CACNA1A: variants seen among roughly 807,000 people sequenced by gnomAD.
CACNA1A encodes the protein calcium voltage-gated channel subunit alpha1 A.
Under a neutral mutation model 262.4 loss-of-function variants are expected in CACNA1A, and 57 were observed. That is an observed-to-expected ratio of 0.22 (90% CI 0.18 to 0.27). The LOEUF is 0.27. CACNA1A is among the 10% of genes least tolerant of loss of function. The pLI, the probability that CACNA1A is intolerant of heterozygous loss-of-function variation, is 1.00. For synonymous variants in CACNA1A, 1,431 were observed against 1,419.3 expected (o/e 1.01, Z -0.18); for missense variants, 2,526 against 3,562.8 (o/e 0.71, Z 7.41).
Position 13,360,834 on chromosome 19 carries a change from C to T in CACNA1A, c.785-1035G>A, listed in dbSNP as rs117619831. On this transcript the variant is annotated intron_variant, in intron 5 of 46. Coordinates refer to ENST00000360228, the MANE Select transcript of CACNA1A (RefSeq NM_001127222.2). ...TATCATTTCATCCATAAATGAGAGG[C>T]ATGTCTGTTAATCTGCAAACACTTT... Among the ~76,000 whole-genome samples the T allele has an allele frequency of 3.7e-3, 560 of 152,332 alleles. 12 individuals carry two copies. In the South Asian group the frequency reaches 0.061, roughly 17 times the overall value.
chr19:13,306,929 T>C (rs1286970365), intron 15 of CACNA1A, among the ~76,000 whole-genome samples: 2 of 152,104 alleles, frequency 1.3e-5, no homozygotes, highest in East Asian at 3.9e-4. Context: ...TCCTGCATGG[T>C]GTGCTCCTTC....
At chr19:13,216,975 A>G (rs2055036797) in intron 38 of CACNA1A, among the ~76,000 whole-genome samples, 2 of 152,152 alleles carry the variant, frequency 1.3e-5, no homozygotes, top group South Asian at 4.1e-4. Flanking sequence ...TCTAGTAAAA[A>G]TGCAAAAATT....
chr19:13,388,533 G>A (rs1279290063), intron 3 of CACNA1A, among the ~76,000 whole-genome samples: 1 of 152,136 alleles, frequency 6.6e-6, no homozygotes, highest in Admixed American at 6.5e-5. Context: ...TGGGGTTACA[G>A]GCGTGAGCCA....
At chr19:13,339,315 C>T (rs1253820692) in intron 6 of CACNA1A, among the ~76,000 whole-genome samples, 1 of 152,022 alleles carries the variant, frequency 6.6e-6, no homozygotes, top group Non-Finnish European at 1.5e-5. Context: ...TAGGAGGTCC[C>T]TAGAGTCGTC....
At chr19:13,403,919 TG>T (rs2059956064) in intron 3 of CACNA1A, among the ~76,000 whole-genome samples, 1 of 152,066 alleles carries the variant, frequency 6.6e-6, no homozygotes, top group African/African-American at 2.4e-5. Context: ...GTCATGCCAC[TG>T]CTCTCCAGCC....
At chr19:13,388,845 T>C (rs2059664327) in intron 3 of CACNA1A, among the ~76,000 whole-genome samples, 1 of 152,206 alleles carries the variant, frequency 6.6e-6, no homozygotes, top group Non-Finnish European at 1.5e-5. Context: ...ATAAGCAGGA[T>C]GAAGTTAGAC....
chr19:13,330,479 A>G, intron 9 of CACNA1A, 146 bp from the exon 10 acceptor site: 5 of 694,206 alleles, frequency 7.2e-6, no homozygotes, highest in Non-Finnish European at 1.3e-5. Flanking sequence ...AGATGTGTAA[A>G]CTGAGGTTCA....
intron 24 of CACNA1A, among the ~76,000 whole-genome samples, chr19:13,265,071 C>G (rs1568475285): frequency 6.6e-6 from 1 of 152,100 alleles, no homozygotes; most frequent in African/African-American, 2.4e-5. Flanking sequence ...GACAGGGTTT[C>G]ACCGTGTTGG....
rs200317630 is a variant in CACNA1A at position 13,499,447 on chromosome 19, T to TGGG, written c.293+6484_293+6485insCCC. Among the ~76,000 whole-genome samples the TGGG allele has an allele frequency of 1.8e-3, 160 of 87,628 alleles. 2 individuals are homozygous for TGGG. Among genetic ancestry groups the TGGG allele is most frequent in the East Asian group, 0.011 (32 of 2,804 alleles). The allele number at this position is 87,628 out of a possible 152,430, so 57.5% of individuals were successfully genotyped here. ...ATCCACACTGACCAGTCGCAGGGGG[T>TGGG]GGTGGGGGGGGGCACTTCGCTCCCA... On this transcript the variant is annotated intron_variant, in intron 1 of 46. Coordinates refer to ENST00000360228, the MANE Select transcript of CACNA1A (RefSeq NM_001127222.2).
At chr19:13,341,665 C>A (rs1308341809) in intron 6 of CACNA1A, among the ~76,000 whole-genome samples, 5 of 152,226 alleles carry the variant, frequency 3.3e-5, no homozygotes, top group African/African-American at 7.2e-5. Context: ...TTTCCCCTCA[C>A]CTCCTTCAGG....
intron 1 of CACNA1A, among the ~76,000 whole-genome samples, chr19:13,465,735 CACCTCAGCCTCCCAAAGTTCTGGGATT>C (rs2061223160): frequency 6.6e-6 from 1 of 152,158 alleles, no homozygotes; most frequent in South Asian, 2.1e-4. Context: ...GCGATCCGCC[CACCTCAGCCTCCCAAAGTTCTGGGATT>C]ACAGGTGTAA....
At chr19:13,489,733 A>G (rs548620060) in intron 1 of CACNA1A, among the ~76,000 whole-genome samples, 2 of 152,234 alleles carry the variant, frequency 1.3e-5, no homozygotes, top group East Asian at 3.9e-4. Context: ...GGTCTCCCCA[A>G]CGAATCCCTG....
At chr19:13,400,776 C>A (rs1450194456) in intron 3 of CACNA1A, among the ~76,000 whole-genome samples, 1 of 152,080 alleles carries the variant, frequency 6.6e-6, no homozygotes, top group Non-Finnish European at 1.5e-5. Flanking sequence ...AATAATGCAG[C>A]CCCCAAAGTC....
Position 13,318,826 on chromosome 19 carries a change from C to T in CACNA1A, c.1346-1505G>A, listed in dbSNP as rs142877581. 6.0e-4 allele frequency among the ~76,000 whole-genome samples: 90 copies of T among 151,178 alleles called. 1 individual carries two copies. The highest frequency in any genetic ancestry group is 2.0e-3 in the African/African-American group (83 of 41,020). ...ATGGAGCTCTCATCCACTGAATGGG[C>T]ACAGGTTTAGGGGAAGGTCAGAGCT... On this transcript the variant is annotated intron_variant, in intron 10 of 46. Coordinates refer to ENST00000360228, the MANE Select transcript of CACNA1A (RefSeq NM_001127222.2).
At chr19:13,246,817 G>C (rs1040970846) in intron 30 of CACNA1A, among the ~76,000 whole-genome samples, 1 of 151,882 alleles carries the variant, frequency 6.6e-6, no homozygotes, top group Non-Finnish European at 1.5e-5. Context: ...TAGTAGAGAC[G>C]GGGTTTCACC....
At chr19:13,361,355 T>C (rs990369982) in intron 5 of CACNA1A, among the ~76,000 whole-genome samples, 2 of 152,138 alleles carry the variant, frequency 1.3e-5, no homozygotes, top group African/African-American at 4.8e-5. Flanking sequence ...GTCCAAATCT[T>C]AAGGTATTGA....
At chr19:13,363,136 C>A (rs972933758) in intron 5 of CACNA1A, 1 of 152,178 alleles carries the variant, frequency 6.6e-6, no homozygotes, top group Non-Finnish European at 1.5e-5. Context: ...GGTGGCACCA[C>A]CCACATCTGT....
chr19:13,481,189 G>A (rs1599349618), intron 1 of CACNA1A, among the ~76,000 whole-genome samples: 2 of 152,320 alleles, frequency 1.3e-5, no homozygotes, highest in East Asian at 3.9e-4. Flanking sequence ...TTACAGATGA[G>A]GAAACTGAGG....
intron 3 of CACNA1A, among the ~76,000 whole-genome samples, chr19:13,406,501 A>C (rs1320239976): frequency 8.5e-6 from 1 of 117,510 alleles, no homozygotes; most frequent in Non-Finnish European, 1.7e-5. Context: ...ATATATATAT[A>C]TATATATATA....
Sources: allele counts gnomAD v4.1 joint callset (sites outside exome capture counted in the v4.1 genomes callset), GRCh38; gene constraint gnomAD v4.1.1; transcripts MANE v1.5; gene names NCBI Gene and HGNC (gene_info 2026-07-23, HGNC 2026-07-21).